The following DNAH12 variants were observed in gnomAD, a reference collection of about 807,000 sequenced individuals.
DNAH12 encodes dynein axonemal heavy chain 12.
Under a neutral mutation model 371.5 loss-of-function variants are expected in DNAH12, and 285 were observed. That is an observed-to-expected ratio of 0.77 (90% CI 0.70 to 0.85). The LOEUF (loss-of-function observed/expected upper bound fraction) is 0.85, where lower values mean the gene tolerates loss of function less well. Ranked by LOEUF, DNAH12 falls within the 40% of genes least tolerant of loss-of-function variation. The pLI is 0.00. For synonymous variants in DNAH12, 1,200 were observed against 1,213.0 expected, an observed-to-expected ratio of 0.99 and a Z score of 0.22; for missense variants, 3,611 against 3,689.4, an observed-to-expected ratio of 0.98 and a Z score of 0.55.
chr3:57,532,015 C>T (rs1379851417), intron 2 of DNAH12, among the ~76,000 whole-genome samples: 2 of 152,022 alleles, frequency 1.3e-5, no homozygotes, highest in East Asian at 3.9e-4. Flanking sequence ...AGGCATGTTT[C>T]ATTCTTTTTT....
intron 11 of DNAH12, among the ~76,000 whole-genome samples, chr3:57,497,714 T>C (rs1375037215): frequency 2.0e-5 from 3 of 152,116 alleles, no homozygotes; most frequent in Admixed American, 6.6e-5. Flanking sequence ...TTTATGATCA[T>C]GCAGTAGGAA....
chr3:57,405,121 G>T lies in DNAH12; in HGVS notation c.6603C>A (p.Leu2201=). The change falls in exon 42 of 74, where the codon CTC becomes CTA. Residue 2201 remains leucine, a synonymous_variant. Coordinates refer to ENST00000495027, the MANE Select transcript of DNAH12 (RefSeq NM_001366028.2). ...APVTEEDLRN[L]MFGDYMNPDL... ...CAGGATTCATATAATCACCAAACATGAGATTTCTTAAGTCTTCTTCAGTTA... is the reference window on the plus strand; with the variant it reads ...CAGGATTCATATAATCACCAAACATTAGATTTCTTAAGTCTTCTTCAGTTA... 6.5e-7 allele frequency: 1 copy of T among 1,536,604 alleles called. No individual in the cohort carries two copies. The highest frequency in any genetic ancestry group is 2.5e-5 in the East Asian group (1 of 39,924).
At chr3:57,352,718 T>A (rs1389367529) in intron 59 of DNAH12, among the ~76,000 whole-genome samples, 1 of 151,902 alleles carries the variant, frequency 6.6e-6, no homozygotes, top group Non-Finnish European at 1.5e-5. Flanking sequence ...GAGGGAAATG[T>A]AACAGACAAA....
At chr3:57,388,408 T>G (rs2063538430) in intron 45 of DNAH12, among the ~76,000 whole-genome samples, 1 of 152,338 alleles carries the variant, frequency 6.6e-6, no homozygotes, top group East Asian at 1.9e-4. Context: ...TTCAATAATA[T>G]GCTTATAATT....
chr3:57,547,749 GTCA>G (rs1159399122), upstream of DNAH12, among the ~76,000 whole-genome samples: 1 of 152,116 alleles, frequency 6.6e-6, no homozygotes, highest in Non-Finnish European at 1.5e-5. Flanking sequence ...AAGCAAAAAA[GTCA>G]TTAAAATCAT....
At chr3:57,300,328 A>T (rs916352346) in intron 70 of DNAH12, among the ~76,000 whole-genome samples, 5 of 152,306 alleles carry the variant, frequency 3.3e-5, no homozygotes, top group South Asian at 2.1e-4. Flanking sequence ...AACCATTAGG[A>T]GGTAAAGAAG....
intron 47 of DNAH12, among the ~76,000 whole-genome samples, 153 bp from the exon 48 acceptor site, chr3:57,385,582 T>C (rs1428074266): frequency 2.0e-5 from 3 of 152,140 alleles, no homozygotes; most frequent in Non-Finnish European, 4.4e-5. Flanking sequence ...CAAACAAAAC[T>C]ATGAAAGTGT....
At chr3:57,507,094 G>A (rs1328609259) in intron 8 of DNAH12, among the ~76,000 whole-genome samples, 4 of 151,594 alleles carry the variant, frequency 2.6e-5, no homozygotes, top group African/African-American at 7.3e-5. Context: ...GGTCTTTACT[G>A]AAAGGGAAAG....
the DNAH12 span, among the ~76,000 whole-genome samples, chr3:57,553,942 G>A: frequency 1.3e-5 from 2 of 150,214 alleles, no homozygotes; most frequent in African/African-American, 2.5e-5. Flanking sequence ...GTCCTGCCTC[G>A]GCCTCCTGAG....
intron 12 of DNAH12, among the ~76,000 whole-genome samples, chr3:57,484,859 C>G (rs1575668336): frequency 1.3e-5 from 2 of 152,094 alleles, no homozygotes; most frequent in African/African-American, 4.8e-5. Context: ...AACAAATAAT[C>G]TCATCAAAAA....
intron 2 of DNAH12, among the ~76,000 whole-genome samples, chr3:57,524,204 A>G (rs2068554452): frequency 6.6e-6 from 1 of 152,190 alleles, no homozygotes; most frequent in South Asian, 2.1e-4. Flanking sequence ...CCGGTCTGTC[A>G]GAGAAGCCTC....
At chr3:57,487,396 A>G (rs2066967275) in intron 12 of DNAH12, among the ~76,000 whole-genome samples, 1 of 119,780 alleles carries the variant, frequency 8.3e-6, no homozygotes, top group South Asian at 3.1e-4. Flanking sequence ...AAAGAGAAAG[A>G]AAGAAAGAAA....
intron 37 of DNAH12, among the ~76,000 whole-genome samples, chr3:57,416,407 T>G (rs551381333): frequency 2.6e-5 from 4 of 152,186 alleles, no homozygotes; most frequent in Non-Finnish European, 5.9e-5. Context: ...GATACTTTAA[T>G]AGTAATAAAC....
chr3:57,314,033 T>C (rs996210128), intron 66 of DNAH12, among the ~76,000 whole-genome samples: 2 of 152,194 alleles, frequency 1.3e-5, no homozygotes, highest in South Asian at 4.1e-4. Flanking sequence ...AGCTACCCAA[T>C]ATCCTTTCAA....
At chr3:57,302,567 A>T (rs370875098) in intron 69 of DNAH12, among the ~76,000 whole-genome samples, 3,053 of 27,364 alleles carry the variant, frequency 0.11, 273 homozygotes, top group Admixed American at 0.13. Context: ...ATATATATGT[A>T]TTTTTTTTTT....
intron 2 of DNAH12, among the ~76,000 whole-genome samples, chr3:57,528,665 G>A (rs59437114): frequency 6.6e-6 from 1 of 150,484 alleles, no homozygotes; most frequent in African/African-American, 2.4e-5. Context: ...GGCGGAGGTT[G>A]CGGTGAGCCG....
chr3:57,333,807 T>C (rs918850155), intron 62 of DNAH12, among the ~76,000 whole-genome samples: 2 of 152,088 alleles, frequency 1.3e-5, no homozygotes, highest in African/African-American at 4.8e-5. Context: ...ATTCACAATG[T>C]CCAGTATCCA....
intron 36 of DNAH12, 128 bp from the exon 37 acceptor site, chr3:57,419,646 T>G: frequency 1.8e-6 from 1 of 563,992 alleles, no homozygotes. Flanking sequence ...AATGAAATAT[T>G]ACATTCACAT....
intron 2 of DNAH12, among the ~76,000 whole-genome samples, chr3:57,532,655 G>T (rs1027656011): frequency 5.3e-5 from 8 of 152,142 alleles, no homozygotes; most frequent in South Asian, 2.1e-4. Flanking sequence ...GAAACTCTTG[G>T]TTTTTTTCCC....
Sources: gnomAD v4.1 joint callset for allele counts (sites outside exome capture counted in the v4.1 genomes callset) on GRCh38, gnomAD v4.1.1 for gene constraint, MANE v1.5 for transcripts, NCBI Gene and HGNC (gene_info 2026-07-23, HGNC 2026-07-21) for gene names.